LRRC7: variants seen among roughly 807,000 people sequenced by gnomAD.
LRRC7 encodes leucine-rich repeat-containing protein 7.
LRRC7 carries 23 observed loss-of-function variants against 175.7 expected under a neutral mutation model. That is an observed-to-expected ratio of 0.13 (90% CI 0.09 to 0.19). LRRC7 has a LOEUF of 0.19. Ranked by LOEUF, LRRC7 falls within the 10% of genes least tolerant of loss-of-function variation. LRRC7 has a pLI of 1.00. For missense variants in LRRC7, 1,354 were observed against 1,904.7 expected (o/e 0.71, Z 5.38); for synonymous variants, 685 against 680.9 (o/e 1.01, Z -0.09).
chr1:69,942,593 G>A (rs899713076), intron 8 of LRRC7, among the ~76,000 whole-genome samples: 16 of 151,902 alleles, frequency 1.1e-4, no homozygotes, highest in African/African-American at 3.9e-4. Flanking sequence ...AGCTTCTAGA[G>A]GCCACTTGCA....
In LRRC7 at chr1:69,763,378, G is replaced by A. The variant is rs1438949584; in HGVS notation, c.303+2985G>A. Reference sequence around the variant, plus strand: ...TCTGACTCCTTAAAACTCTTTCTGAGAAGGACAAAATATGTCTCCCCTAAA... The same window carrying A: ...TCTGACTCCTTAAAACTCTTTCTGAAAAGGACAAAATATGTCTCCCCTAAA... On this transcript the variant is annotated intron_variant, in intron 3 of 26. Coordinates refer to ENST00000651989, the MANE Select transcript of LRRC7 (RefSeq NM_001370785.2). Among the ~76,000 whole-genome samples the A allele has an allele frequency of 6.6e-5, 10 of 152,190 alleles. No homozygotes were observed. The South Asian group carries it at 1.5e-3, about 22-fold the overall frequency.
intron 8 of LRRC7, among the ~76,000 whole-genome samples, chr1:69,953,150 GTTC>G (rs1481691701): frequency 6.6e-6 from 1 of 151,872 alleles, no homozygotes; most frequent in East Asian, 1.9e-4. Flanking sequence ...AAGGACAATT[GTTC>G]TTCTCGTAGT....
intron 8 of LRRC7, among the ~76,000 whole-genome samples, chr1:69,935,536 A>G (rs907154886): frequency 3.3e-5 from 5 of 152,188 alleles, no homozygotes; most frequent in African/African-American, 1.2e-4. Flanking sequence ...ATGGATACAA[A>G]ATAAACACTA....
intron 7 of LRRC7, among the ~76,000 whole-genome samples, chr1:69,875,592 T>C (rs1000400935): frequency 6.6e-5 from 10 of 152,042 alleles, no homozygotes; most frequent in Non-Finnish European, 1.3e-4. Context: ...TGTAAATTCA[T>C]TCATAATATT....
intron 7 of LRRC7, among the ~76,000 whole-genome samples, chr1:69,898,249 A>C (rs1646034257): frequency 6.6e-6 from 1 of 152,178 alleles, no homozygotes; most frequent in Non-Finnish European, 1.5e-5. Flanking sequence ...ATAAATTGGA[A>C]AGGCACATGG....
chr1:69,820,830 ATG>A (rs1643395274), intron 4 of LRRC7, among the ~76,000 whole-genome samples: 1 of 152,312 alleles, frequency 6.6e-6, no homozygotes, highest in African/African-American at 2.4e-5. Context: ...ATAGATGTGC[ATG>A]TGTCTTTATA....
chr1:69,871,075 C>T (rs1234563013), intron 7 of LRRC7, among the ~76,000 whole-genome samples: 1 of 136,602 alleles, frequency 7.3e-6, no homozygotes, highest in Middle Eastern at 3.5e-3. Context: ...AATGTTATAC[C>T]ACAAATGATG....
intron 1 of LRRC7, among the ~76,000 whole-genome samples, chr1:69,668,990 GTTGT>G (rs1658673196): frequency 6.6e-6 from 1 of 151,998 alleles, no homozygotes; most frequent in South Asian, 2.1e-4. Context: ...TTTTGATAGG[GTTGT>G]TTGTTGTAAT....
At chr1:69,964,756 A>T (rs540971808) in intron 8 of LRRC7, among the ~76,000 whole-genome samples, 1 of 152,338 alleles carries the variant, frequency 6.6e-6, no homozygotes, top group South Asian at 2.1e-4. Flanking sequence ...TTAACTGAGG[A>T]TAAAGAGAGG....
chr1:69,725,185 A>G (rs1362847635), intron 2 of LRRC7, among the ~76,000 whole-genome samples: 1 of 152,178 alleles, frequency 6.6e-6, no homozygotes, highest in Non-Finnish European at 1.5e-5. Context: ...AGAAAAATAT[A>G]TATACTGTTC....
chr1:69,961,028 G>A (rs1376861512), intron 8 of LRRC7, among the ~76,000 whole-genome samples: 1 of 152,126 alleles, frequency 6.6e-6, no homozygotes, highest in East Asian at 1.9e-4. Context: ...AATAGGAGGG[G>A]AGGAAGTCAA....
At chr1:70,116,222 C>G (rs75498518) in intron 26 of LRRC7, among the ~76,000 whole-genome samples, 2,884 of 152,244 alleles carry the variant, frequency 0.019, 62 homozygotes, top group African/African-American at 0.047. Context: ...ATGAGAAATT[C>G]AAGCTGCAGT....
At chr1:69,880,338 A>G (rs1016889395) in intron 7 of LRRC7, among the ~76,000 whole-genome samples, 1 of 152,162 alleles carries the variant, frequency 6.6e-6, no homozygotes, top group African/African-American at 2.4e-5. Context: ...AGGAGCTTGC[A>G]CTGTAGGACT....
intron 23 of LRRC7, among the ~76,000 whole-genome samples, chr1:70,063,322 T>TATATAAACAA (rs1254424553): frequency 2.6e-5 from 4 of 152,116 alleles, no homozygotes; most frequent in Non-Finnish European, 5.9e-5. Flanking sequence ...GATAACTCAA[T>TATATAAACAA]AGCATTTATA....
intron 4 of LRRC7, among the ~76,000 whole-genome samples, chr1:69,799,171 G>C (rs1186143395): frequency 6.9e-6 from 1 of 145,360 alleles, no homozygotes; most frequent in Non-Finnish European, 1.5e-5. Context: ...TCTTCACTTT[G>C]GGATGCCATT....
intron 25 of LRRC7, among the ~76,000 whole-genome samples, chr1:70,100,086 C>T (rs1223063940): frequency 2.0e-5 from 3 of 152,018 alleles, no homozygotes; most frequent in African/African-American, 7.2e-5. Context: ...AATAGACAGA[C>T]ATCCCAGACA....
At chr1:69,696,740 G>A (rs1299233849) in intron 2 of LRRC7, among the ~76,000 whole-genome samples, 1 of 152,120 alleles carries the variant, frequency 6.6e-6, no homozygotes, top group Non-Finnish European at 1.5e-5. Flanking sequence ...GTTCATGTGA[G>A]ACGTGATTGT....
chr1:69,709,519 C>A (rs1413323188), intron 2 of LRRC7, among the ~76,000 whole-genome samples: 2 of 152,172 alleles, frequency 1.3e-5, no homozygotes, highest in African/African-American at 4.8e-5. Flanking sequence ...TCTTTGATGA[C>A]AAGAGTCTTC....
chr1:69,775,271 GTTCTTTTCACTAC>G (rs1672686719), intron 3 of LRRC7, among the ~76,000 whole-genome samples: 1 of 152,156 alleles, frequency 6.6e-6, no homozygotes, highest in South Asian at 2.1e-4. Context: ...TCTGCTATCT[GTTCTTTTCACTAC>G]TTCTTTTAAT....
Sources: allele counts gnomAD v4.1 joint callset (sites outside exome capture counted in the v4.1 genomes callset), GRCh38; gene constraint gnomAD v4.1.1; transcripts MANE v1.5; gene names NCBI Gene and HGNC (gene_info 2026-07-23, HGNC 2026-07-21).